ITGB3: variants seen among roughly 807,000 people sequenced by gnomAD.
ITGB3 encodes integrin subunit beta 3, also known as integrin beta-3.
Under a neutral mutation model 85.8 loss-of-function variants are expected in ITGB3, and 48 were observed. The ratio of observed to expected loss-of-function variants is 0.56; its 90% CI spans 0.44 to 0.71. ITGB3 has a LOEUF of 0.71. Among genes scored for constraint, ITGB3 ranks in the 30% least tolerant of loss-of-function variants. The pLI, the probability that ITGB3 is intolerant of heterozygous loss-of-function variation, is 0.00. For synonymous variants in ITGB3, 363 were observed against 395.6 expected (o/e 0.92, Z 0.98); for missense variants, 861 against 1,019.1 (o/e 0.84, Z 2.11).
chr17:47,290,274 GGT>G lies in ITGB3; in HGVS notation c.1125+1_1125+2del. On this transcript the variant is annotated splice_donor_variant, in intron 8 of 14. Coordinates refer to ENST00000559488, the MANE Select transcript of ITGB3 (RefSeq NM_000212.3). LOFTEE classifies it high-confidence loss of function. ...TCCAGCTCATTGTTGATGCTTATGGGGTAAGTGTCTTGTGCTGGGAATAGTCC... is the reference window on the plus strand; with the variant it reads ...TCCAGCTCATTGTTGATGCTTATGGGAAGTGTCTTGTGCTGGGAATAGTCC... The G allele has an allele frequency of 6.2e-7, 1 of 1,612,724 alleles. No individual in the cohort carries two copies. Among genetic ancestry groups the G allele is most frequent in the Non-Finnish European group, 8.5e-7 (1 of 1,178,882 alleles).
intron 10 of ITGB3, among the ~76,000 whole-genome samples, chr17:47,298,718 T>C (rs971879340): frequency 2.0e-5 from 3 of 152,206 alleles, no homozygotes; most frequent in African/African-American, 2.4e-5. Flanking sequence ...CCTATGTTGT[T>C]GTCTAACCCA....
At position 47,276,289 on chromosome 17, in the gene ITGB3, G is replaced by A. The variant is rs964530339; in HGVS notation, c.165+1785G>A. 2.0e-5 allele frequency among the ~76,000 whole-genome samples: 3 copies of A among 152,316 alleles called. No homozygotes were observed. In the South Asian group the frequency reaches 6.2e-4, roughly 32 times the overall value. ...TTTTTCATCCCTCTTGATCTGTATA[G>A]GGACTAGCCATGCAGCTGAGGTGGG... On this transcript the variant is annotated intron_variant, in intron 2 of 14. Coordinates refer to ENST00000559488, the MANE Select transcript of ITGB3 (RefSeq NM_000212.3).
intron 1 of ITGB3, among the ~76,000 whole-genome samples, chr17:47,266,464 A>AC (rs2143046779): frequency 6.6e-6 from 1 of 151,442 alleles, no homozygotes; most frequent in East Asian, 1.9e-4. Flanking sequence ...CATTTTTCCC[A>AC]CCCTTTGTCT....
chr17:47,283,192 C>T (rs986123279), intron 2 of ITGB3, among the ~76,000 whole-genome samples, 162 bp from the exon 3 acceptor site: 1 of 152,008 alleles, frequency 6.6e-6, no homozygotes, highest in Non-Finnish European at 1.5e-5. Context: ...CCTTTCTGTA[C>T]AACGGTCCTA....
intron 1 of ITGB3, among the ~76,000 whole-genome samples, chr17:47,255,482 C>G (rs1293610961): frequency 6.6e-6 from 1 of 151,366 alleles, no homozygotes. Flanking sequence ...AGTGCAGTGG[C>G]GCGATTTCAG....
intron 10 of ITGB3, among the ~76,000 whole-genome samples, chr17:47,295,096 T>C (rs1413875146): frequency 6.6e-6 from 1 of 152,190 alleles, no homozygotes; most frequent in Non-Finnish European, 1.5e-5. Flanking sequence ...TGGAGTAGGA[T>C]AGAGAGGCGT....
In ITGB3 at chr17:47,286,402, A is replaced by G; in HGVS notation, c.757A>G (p.Met253Val). 1 of 1,614,212 alleles carries G rather than the reference A, an allele frequency of 6.2e-7. No homozygotes were observed. The highest frequency in any genetic ancestry group is 8.5e-7 in the Non-Finnish European group (1 of 1,180,034). The part of the protein sequence containing the change: ...DAPEGGFDAI[M>V]QATVCDEKIG... ...CCCAGAGGGTGGCTTTGATGCCATC[A>G]TGCAGGCTACAGTCTGTGATGTGAG... Residue 253 changes from methionine (M) to valine (V), a missense_variant, in exon 5 of 15, where the codon ATG (methionine) becomes GTG (valine). Coordinates refer to ENST00000559488, the MANE Select transcript of ITGB3 (RefSeq NM_000212.3).
chr17:47,310,092 A>AGG, intron 14 of ITGB3, 47 bp from the exon 15 acceptor site: 1 of 1,522,738 alleles, frequency 6.6e-7, no homozygotes, highest in East Asian at 2.2e-5. Context: ...AGGGTAGGGA[A>AGG]GGACTTAAGG....
intron 1 of ITGB3, among the ~76,000 whole-genome samples, chr17:47,255,528 TC>T (rs1209494922): frequency 6.6e-6 from 1 of 151,878 alleles, no homozygotes; most frequent in East Asian, 1.9e-4. Flanking sequence ...TTCAAGGGAT[TC>T]TCCTGCCTCA....
intron 2 of ITGB3, among the ~76,000 whole-genome samples, chr17:47,281,487 G>T (rs565847095): frequency 6.6e-6 from 1 of 152,174 alleles, no homozygotes; most frequent in Non-Finnish European, 1.5e-5. Flanking sequence ...ACGTATCTGA[G>T]GTCACATGAC....
At chr17:47,305,860 C>T (rs1180948210) in intron 13 of ITGB3, among the ~76,000 whole-genome samples, 1 of 152,168 alleles carries the variant, frequency 6.6e-6, no homozygotes, top group Non-Finnish European at 1.5e-5. Context: ...ACAACGGTAG[C>T]TGATATTTAC....
At chr17:47,270,374 C>G (rs188233252) in intron 1 of ITGB3, among the ~76,000 whole-genome samples, 1 of 152,294 alleles carries the variant, frequency 6.6e-6, no homozygotes, top group East Asian at 1.9e-4. Context: ...TAAAATAGTT[C>G]AGGCTGTGCT....
rs144048647 is a variant in ITGB3, at chr17:47,257,699, C to T, written c.79+3759C>T. Among the ~76,000 whole-genome samples the T allele has an allele frequency of 1.2e-4, 19 of 152,292 alleles. No individual in the cohort carries two copies. The East Asian group carries it at 2.5e-3, about 20-fold the overall frequency. On this transcript the variant is annotated intron_variant, in intron 1 of 14. Transcript: ENST00000559488. Reference sequence around the variant, plus strand: ...TCATGAATTCTTTGGGCATTTGGGCCGCTGCACTGTTGCACCATTTAGACC... The same window carrying T: ...TCATGAATTCTTTGGGCATTTGGGCTGCTGCACTGTTGCACCATTTAGACC...
intron 1 of ITGB3, among the ~76,000 whole-genome samples, chr17:47,267,692 G>A (rs891981586): frequency 6.6e-6 from 1 of 152,204 alleles, no homozygotes. Flanking sequence ...ATCCTCTGGG[G>A]TCAGGGACCA....
intron 1 of ITGB3, among the ~76,000 whole-genome samples, chr17:47,266,535 C>T (rs1268420126): frequency 1.3e-5 from 2 of 152,182 alleles, no homozygotes; most frequent in East Asian, 3.8e-4. Flanking sequence ...TTCTACTTTC[C>T]AGGCAAACTT....
intron 14 of ITGB3, among the ~76,000 whole-genome samples, chr17:47,308,189 A>ATAATAAT (rs1555574002): frequency 3.0e-5 from 4 of 134,188 alleles, no homozygotes; most frequent in African/African-American, 1.1e-4. Flanking sequence ...AATAATAATA[A>ATAATAAT]AATAAAATAA....
At position 47,311,522 on chromosome 17, in the gene ITGB3, G is replaced by C. The variant is rs1301565498; in HGVS notation, c.*1318G>C. 6.6e-6 allele frequency: 1 copy of C among 152,218 alleles called. No individual in the cohort carries two copies. Among genetic ancestry groups the C allele is most frequent in the Non-Finnish European group, 1.5e-5 (1 of 68,046 alleles). The allele number at this position is 152,218 out of a possible 1,614,324, so 9.4% of individuals were successfully genotyped here. A position where few individuals can be genotyped will look rare whatever the true frequency, so the allele number is the denominator to read the frequency against. On this transcript the variant is annotated 3_prime_UTR_variant, in exon 15 of 15. Transcript: ENST00000559488. Reference sequence around the variant, plus strand: ...CATTATATTTGTAAATTTATGTGATGGCAAAGAAGGAGAGCATAGGAAACC... The same window carrying C: ...CATTATATTTGTAAATTTATGTGATCGCAAAGAAGGAGAGCATAGGAAACC...
intron 1 of ITGB3, among the ~76,000 whole-genome samples, chr17:47,256,475 C>CA (rs1054130671): frequency 2.1e-5 from 2 of 95,346 alleles, no homozygotes; most frequent in Admixed American, 9.4e-5. Flanking sequence ...AGAGTAATAC[C>CA]CCCCCCCCCA....
intron 6 of ITGB3, among the ~76,000 whole-genome samples, chr17:47,288,556 T>C (rs2065113081): frequency 6.6e-6 from 1 of 152,146 alleles, no homozygotes; most frequent in Non-Finnish European, 1.5e-5. Context: ...AAGGTGTACC[T>C]GTGTAAAGGC....
Sources: gnomAD v4.1 joint callset for allele counts (sites outside exome capture counted in the v4.1 genomes callset) on GRCh38, gnomAD v4.1.1 for gene constraint, MANE v1.5 for transcripts, NCBI Gene and HGNC (gene_info 2026-07-23, HGNC 2026-07-21) for gene names.